STXBP4: variants seen among roughly 807,000 people sequenced by gnomAD.
The protein encoded by STXBP4 is syntaxin binding protein 4.
STXBP4 carries 55 observed loss-of-function variants against 76.1 expected under a neutral mutation model. That is an observed-to-expected ratio of 0.72 (90% CI 0.58 to 0.91). The LOEUF (loss-of-function observed/expected upper bound fraction) is 0.91. Ranked by LOEUF, STXBP4 falls within the 40% of genes least tolerant of loss-of-function variation. STXBP4 has a pLI of 0.00. For synonymous variants in STXBP4, 201 were observed against 220.2 expected, an observed-to-expected ratio of 0.91 and a Z score of 0.77; for missense variants, 618 against 636.9, an observed-to-expected ratio of 0.97 and a Z score of 0.32.
intron 16 of STXBP4, among the ~76,000 whole-genome samples, chr17:55,090,091 C>T (rs1548908): frequency 0.2 from 30,703 of 151,942 alleles, 3,335 homozygotes; most frequent in Middle Eastern, 0.34. Flanking sequence ...CAGGAGGACA[C>T]TCTTAATATG....
chr17:55,153,365 C>T (rs542157999), intron 17 of STXBP4, among the ~76,000 whole-genome samples: 7 of 152,232 alleles, frequency 4.6e-5, no homozygotes, highest in East Asian at 1.9e-4. Context: ...TTATACATGA[C>T]GGAATCAATA....
chr17:55,083,585 G>T (rs2628299), intron 16 of STXBP4, among the ~76,000 whole-genome samples: 45,348 of 151,962 alleles, frequency 0.3, 7,059 homozygotes, highest in African/African-American at 0.35. Flanking sequence ...CAGCTAGGCA[G>T]CTCATGTTAG....
chr17:55,034,897 A>G (rs1031762325), intron 10 of STXBP4, among the ~76,000 whole-genome samples: 1 of 152,016 alleles, frequency 6.6e-6, no homozygotes, highest in Non-Finnish European at 1.5e-5. Context: ...GAAGTTTGAC[A>G]TTTATATTAT....
intron 16 of STXBP4, among the ~76,000 whole-genome samples, chr17:55,092,042 C>T (rs964277907): frequency 3.9e-5 from 6 of 152,070 alleles, no homozygotes; most frequent in Non-Finnish European, 5.9e-5. Flanking sequence ...ATTATTCTAA[C>T]GGAAGTAACT....
the STXBP4 span, among the ~76,000 whole-genome samples, chr17:55,186,285 A>G: frequency 7.2e-4 from 110 of 152,338 alleles, no homozygotes; most frequent in African/African-American, 2.1e-3. Context: ...AGTGAATGCC[A>G]TAAAAAGAAA....
At chr17:54,986,023 T>C (rs2077622093) in intron 2 of STXBP4, 119 bp from the exon 3 acceptor site, 1 of 574,870 alleles carries the variant, frequency 1.7e-6, no homozygotes, top group Admixed American at 3.6e-5. Context: ...ACATCTAACA[T>C]CTATATACAG....
At chr17:55,132,832 C>A (rs191731552) in intron 16 of STXBP4, among the ~76,000 whole-genome samples, 35 of 152,098 alleles carry the variant, frequency 2.3e-4, no homozygotes, top group African/African-American at 8.2e-4. Flanking sequence ...ACTGAGCAGA[C>A]CCTGAAAGGA....
At chr17:55,066,390 A>T (rs2079051792) in intron 12 of STXBP4, among the ~76,000 whole-genome samples, 1 of 151,794 alleles carries the variant, frequency 6.6e-6, no homozygotes, top group South Asian at 2.1e-4. Context: ...TACCCATCTG[A>T]TTTTTGTATT....
At chr17:55,004,890 G>A (rs1473585549) in intron 7 of STXBP4, among the ~76,000 whole-genome samples, 1 of 152,146 alleles carries the variant, frequency 6.6e-6, no homozygotes, top group Non-Finnish European at 1.5e-5. Context: ...CAAATAAAGA[G>A]CTTGGAGCTG....
intron 16 of STXBP4, among the ~76,000 whole-genome samples, chr17:55,082,249 A>G (rs1225086790): frequency 1.3e-5 from 2 of 152,232 alleles, no homozygotes; most frequent in Non-Finnish European, 2.9e-5. Context: ...GTAGACTGAT[A>G]CAGGAACATT....
At chr17:55,177,435 T>G (rs888658651), downstream of STXBP4, among the ~76,000 whole-genome samples, 1 of 152,186 alleles carries the variant, frequency 6.6e-6, no homozygotes, top group Non-Finnish European at 1.5e-5. Flanking sequence ...GAACAGGCTC[T>G]GGCAACCAGA....
intron 12 of STXBP4, among the ~76,000 whole-genome samples, chr17:55,057,863 T>G (rs2078948617): frequency 6.6e-6 from 1 of 152,190 alleles, no homozygotes; most frequent in Non-Finnish European, 1.5e-5. Context: ...TTCATCCATG[T>G]ATCTGCAAAG....
At chr17:55,038,175 A>C (rs2078637471) in intron 10 of STXBP4, among the ~76,000 whole-genome samples, 1 of 152,044 alleles carries the variant, frequency 6.6e-6, no homozygotes, top group Admixed American at 6.6e-5. Flanking sequence ...ATTTTTTTAA[A>C]TATTATTACT....
chr17:55,108,833 G>C lies in STXBP4; in HGVS notation c.1489+27650G>C, dbSNP rs905857495. On this transcript the variant is annotated intron_variant, in intron 16 of 17. Coordinates refer to ENST00000376352, the MANE Select transcript of STXBP4 (RefSeq NM_178509.6). ...TGCATTGATCTCGCTGGGAGCTGCA[G>C]ACCAGAGCTGTTCCTATTCGGCCAT... is the stretch of plus-strand genomic sequence containing the variant. Among the ~76,000 whole-genome samples, 4 of 152,164 alleles carry C rather than the reference G, an allele frequency of 2.6e-5. 1 individual carries two copies. Among genetic ancestry groups the C allele is most frequent in the African/African-American group, 9.7e-5 (4 of 41,436 alleles).
rs2080392718 is a variant in STXBP4 at position 55,169,050 on chromosome 17, C to T, written c.*9139C>T. On this transcript the variant is annotated 3_prime_UTR_variant, in exon 18 of 18. Coordinates refer to ENST00000376352, the MANE Select transcript of STXBP4 (RefSeq NM_178509.6). Reference sequence around the variant, plus strand: ...CATATCACTATGACCACCTGGCTGACAGTAACTGCAGGACATCAATTATTG... The same window carrying T: ...CATATCACTATGACCACCTGGCTGATAGTAACTGCAGGACATCAATTATTG... 1 of 152,196 alleles carries T rather than the reference C, an allele frequency of 6.6e-6. No homozygotes were observed. The highest frequency in any genetic ancestry group is 2.1e-4 in the South Asian group (1 of 4,832). 9.4% of individuals were successfully genotyped at this position (152,196 alleles called of 1,614,324 possible). A position where few individuals can be genotyped will look rare whatever the true frequency, so the allele number is the denominator to read the frequency against.
chr17:55,000,243 C>G, intron 6 of STXBP4: 1 of 985,320 alleles, frequency 1.0e-6, no homozygotes, highest in African/African-American at 1.7e-5. Context: ...GAGGCTAATC[C>G]CAGGCATCCA....
intron 3 of STXBP4, among the ~76,000 whole-genome samples, chr17:54,990,433 T>C (rs937421148): frequency 2.0e-5 from 3 of 152,158 alleles, no homozygotes; most frequent in African/African-American, 7.2e-5. Flanking sequence ...GCTTGCGTGC[T>C]CCTTTTGAGA....
intron 17 of STXBP4, among the ~76,000 whole-genome samples, chr17:55,143,557 A>G (rs147509054): frequency 6.6e-6 from 1 of 152,306 alleles, no homozygotes; most frequent in Non-Finnish European, 1.5e-5. Context: ...TTACCCAGCT[A>G]GCTTAAGCCA....
chr17:55,007,173 A>G (rs2078024080), intron 7 of STXBP4, among the ~76,000 whole-genome samples: 1 of 151,708 alleles, frequency 6.6e-6, no homozygotes, highest in Non-Finnish European at 1.5e-5. Context: ...CCCTGTCTCT[A>G]ACTAAATATA....
Sources: allele counts gnomAD v4.1 joint callset (sites outside exome capture counted in the v4.1 genomes callset), GRCh38; gene constraint gnomAD v4.1.1; transcripts MANE v1.5; gene names NCBI Gene and HGNC (gene_info 2026-07-23, HGNC 2026-07-21).